Variants in ADGRL2 observed in about 807,000 individuals in gnomAD.
The protein encoded by ADGRL2 is calcium-independent alpha-latrotoxin receptor 2.
A neutral mutation model predicts 157.4 loss-of-function variants in ADGRL2; 44 were observed. That is an observed-to-expected ratio of 0.28 (90% CI 0.22 to 0.36). The LOEUF (loss-of-function observed/expected upper bound fraction) is 0.36, where lower values mean the gene tolerates loss of function less well. ADGRL2 is among the 10% of genes least tolerant of loss of function. The pLI is 1.00. For synonymous variants in ADGRL2, 585 were observed against 624.7 expected (o/e 0.94, Z 0.95); for missense variants, 1,510 against 1,768.9 (o/e 0.85, Z 2.63).
rs72716650 is a variant in ADGRL2 at position 81,607,458 on chromosome 1, C to T, written c.-143+26478C>T. Among the ~76,000 whole-genome samples, 782 of 152,214 alleles carry T rather than the reference C, an allele frequency of 5.1e-3. 2 individuals are homozygous for T. Among genetic ancestry groups the T allele is most frequent in the Middle Eastern group, 6.8e-3 (2 of 294 alleles). On this transcript the variant is annotated intron_variant, in intron 3 of 24. Coordinates refer to the ADGRL2 transcript ENST00000370721. The stretch of plus-strand genomic sequence containing the variant: ...TCCAACCAGGCTTTTCTAACCTAGA[C>T]AAGGCCAGTGATTCAGGAAAGGCTT...
chr1:81,390,012 A>G (rs1015924679), intron 1 of ADGRL2, among the ~76,000 whole-genome samples: 4 of 152,018 alleles, frequency 2.6e-5, no homozygotes, highest in African/African-American at 9.7e-5. Context: ...GGTTGAGGTA[A>G]TGGTCTTAAA....
chr1:81,621,091 T>C (rs1185989027), intron 3 of ADGRL2, among the ~76,000 whole-genome samples: 2 of 152,194 alleles, frequency 1.3e-5, no homozygotes, highest in Non-Finnish European at 2.9e-5. Context: ...TGTGTCCTTT[T>C]GTAGGTTTTT....
chr1:81,945,300 T>G (rs1324447466), intron 6 of ADGRL2, among the ~76,000 whole-genome samples: 1 of 152,118 alleles, frequency 6.6e-6, no homozygotes, highest in Non-Finnish European at 1.5e-5. Context: ...CAGACTTGTA[T>G]TGGCATTGGC....
intron 2 of ADGRL2, chr1:81,505,068 G>T (rs891487983): frequency 4.9e-6 from 2 of 404,666 alleles, no homozygotes; most frequent in Middle Eastern, 7.0e-4. Flanking sequence ...GGCGTGGCTC[G>T]CACTCAGTCC....
intron 2 of ADGRL2, among the ~76,000 whole-genome samples, chr1:81,784,998 T>C (rs2086972876): frequency 6.6e-6 from 1 of 152,132 alleles, no homozygotes; most frequent in Non-Finnish European, 1.5e-5. Flanking sequence ...AAGCTTAGTT[T>C]TACTTTTTTC....
At chr1:81,783,179 A>G (rs2149387982) in intron 2 of ADGRL2, among the ~76,000 whole-genome samples, 1 of 152,314 alleles carries the variant, frequency 6.6e-6, no homozygotes, top group South Asian at 2.1e-4. Context: ...GCTGGAGTGC[A>G]GTGGTGCGAT....
chr1:81,738,537 T>C (rs1244470166), intron 1 of ADGRL2, among the ~76,000 whole-genome samples: 4 of 152,240 alleles, frequency 2.6e-5, no homozygotes, highest in Admixed American at 2.6e-4. Flanking sequence ...ATAGTGTTTA[T>C]TGTCAGGACC....
At chr1:81,727,828 T>TAC (rs56400665) in intron 1 of ADGRL2, among the ~76,000 whole-genome samples, 79 of 150,766 alleles carry the variant, frequency 5.2e-4, no homozygotes, top group Middle Eastern at 3.4e-3. Flanking sequence ...TATATATATA[T>TAC]ACATCTAAAA....
At chr1:81,581,869 TGC>T (rs58154937) in intron 3 of ADGRL2, among the ~76,000 whole-genome samples, 48,884 of 97,396 alleles carry the variant, frequency 0.5, 8,866 homozygotes, top group East Asian at 0.73. Context: ...ACCACACACA[TGC>T]GCGCACACAC....
In ADGRL2 at chr1:81,504,681, C is replaced by G. The variant is rs554525189; in HGVS notation, c.-248+59592C>G. Among the ~76,000 whole-genome samples the G allele has an allele frequency of 2.4e-3, 365 of 152,152 alleles. 2 individuals are homozygous for G. The highest frequency in any genetic ancestry group is 8.3e-3 in the African/African-American group (346 of 41,512). ...GGCGGGGAGGTGGAGTGGAGAGGCCCGCTCTCACACTGGGTCGGGCCCTGA... is the reference window on the plus strand; with the variant it reads ...GGCGGGGAGGTGGAGTGGAGAGGCCGGCTCTCACACTGGGTCGGGCCCTGA... On this transcript the variant is annotated intron_variant, in intron 2 of 24. Transcript: ENST00000370721.
At chr1:81,415,591 G>C (rs1173008432) in intron 1 of ADGRL2, among the ~76,000 whole-genome samples, 1 of 152,104 alleles carries the variant, frequency 6.6e-6, no homozygotes, top group African/African-American at 2.4e-5. Flanking sequence ...TGGACAGCTC[G>C]GTTCAACAAA....
intron 2 of ADGRL2, among the ~76,000 whole-genome samples, chr1:81,469,189 A>G (rs1218152418): frequency 1.3e-5 from 2 of 152,242 alleles, no homozygotes; most frequent in Admixed American, 1.3e-4. Context: ...AGTGTTTATC[A>G]GCAGTCCAGG....
intron 2 of ADGRL2, among the ~76,000 whole-genome samples, chr1:81,782,578 C>A (rs2086860827): frequency 6.6e-6 from 1 of 152,172 alleles, no homozygotes; most frequent in South Asian, 2.1e-4. Context: ...AGGGTTAATT[C>A]TCTCAGGTGC....
intron 2 of ADGRL2, among the ~76,000 whole-genome samples, chr1:81,901,208 A>T (rs1053345791): frequency 4.6e-5 from 7 of 152,228 alleles, no homozygotes. Flanking sequence ...TAGATTTAGC[A>T]TATAAGGATT....
At chr1:81,905,945 AGAGTGT>A in intron 2 of ADGRL2, among the ~76,000 whole-genome samples, 1 of 125,894 alleles carries the variant, frequency 7.9e-6, no homozygotes, top group Admixed American at 8.1e-5. Flanking sequence ...AGAAAAAAGC[AGAGTGT>A]GTGTGTGTGT....
chr1:81,962,030 C>T (rs761019029), intron 11 of ADGRL2, among the ~76,000 whole-genome samples: 2 of 152,102 alleles, frequency 1.3e-5, no homozygotes, highest in Non-Finnish European at 2.9e-5. Context: ...TACATGCGCA[C>T]ATACCTGTGT....
intron 1 of ADGRL2, among the ~76,000 whole-genome samples, chr1:81,349,630 C>T (rs1662731539): frequency 2.0e-5 from 1 of 50,316 alleles, no homozygotes; most frequent in Non-Finnish European, 3.9e-5. Flanking sequence ...GTGTTGTGAG[C>T]TACACACACA....
chr1:81,361,058 A>G (rs943599494), intron 1 of ADGRL2, among the ~76,000 whole-genome samples: 3 of 151,976 alleles, frequency 2.0e-5, no homozygotes, highest in South Asian at 4.2e-4. Context: ...GGGCAATGTT[A>G]GTTGCATTAT....
intron 1 of ADGRL2, among the ~76,000 whole-genome samples, chr1:81,325,319 A>G (rs1660821016): frequency 6.6e-6 from 1 of 152,154 alleles, no homozygotes; most frequent in South Asian, 2.1e-4. Flanking sequence ...TCAGAAGTCT[A>G]CCCGACCTGT....
Sources: allele counts gnomAD v4.1 joint callset (sites outside exome capture counted in the v4.1 genomes callset), GRCh38; gene constraint gnomAD v4.1.1; transcripts MANE v1.5; gene names NCBI Gene and HGNC (gene_info 2026-07-23, HGNC 2026-07-21).